Variants in DCC observed in about 807,000 individuals in gnomAD.
DCC encodes DCC netrin 1 receptor, also known as netrin receptor DCC.
In DCC, 58 loss-of-function variants were observed where a neutral mutation model predicts 172.5. The ratio of observed to expected loss-of-function variants is 0.34; its 90% CI spans 0.27 to 0.42. The LOEUF (loss-of-function observed/expected upper bound fraction) is 0.42, where lower values mean the gene tolerates loss of function less well. Ranked by LOEUF, DCC falls within the 10% of genes least tolerant of loss-of-function variation. DCC has a pLI of 1.00. For synonymous variants in DCC, 709 were observed against 644.5 expected (o/e 1.10, Z -1.52); for missense variants, 1,740 against 1,791.0 (o/e 0.97, Z 0.51).
chr18:53,079,831 A>G (rs2042772975), intron 7 of DCC, among the ~76,000 whole-genome samples: 1 of 152,138 alleles, frequency 6.6e-6, no homozygotes, highest in Non-Finnish European at 1.5e-5. Flanking sequence ...AACACATGGG[A>G]GCATAGAGCA....
chr18:53,256,002 A>G (rs1269610814), intron 12 of DCC, among the ~76,000 whole-genome samples: 1 of 152,162 alleles, frequency 6.6e-6, no homozygotes, highest in Non-Finnish European at 1.5e-5. Flanking sequence ...TTGGCTGAAT[A>G]AATGTCTTCT....
intron 15 of DCC, among the ~76,000 whole-genome samples, chr18:53,355,804 G>C (rs1433333203): frequency 2.0e-5 from 3 of 151,918 alleles, no homozygotes; most frequent in African/African-American, 7.2e-5. Context: ...TTGTACCACT[G>C]CCTCTGCACA....
intron 2 of DCC, among the ~76,000 whole-genome samples, chr18:52,795,991 G>T (rs1440622564): frequency 6.7e-6 from 1 of 149,084 alleles, no homozygotes; most frequent in Non-Finnish European, 1.5e-5. Flanking sequence ...CTGCTAATAT[G>T]ATTTATTTTT....
chr18:52,469,933 A>C (rs140496802), intron 1 of DCC, among the ~76,000 whole-genome samples: 153 of 152,342 alleles, frequency 1.0e-3, no homozygotes, highest in Middle Eastern at 3.4e-3. Context: ...AGTGGCATAC[A>C]TCACATTTGA....
intron 12 of DCC, among the ~76,000 whole-genome samples, chr18:53,237,945 T>A (rs2056230016): frequency 1.3e-5 from 2 of 152,164 alleles, no homozygotes; most frequent in African/African-American, 4.8e-5. Flanking sequence ...TCAGATTTAA[T>A]CTTCAAATCT....
chr18:53,233,422 G>A (rs1267888631), intron 12 of DCC, among the ~76,000 whole-genome samples: 1 of 152,218 alleles, frequency 6.6e-6, no homozygotes. Flanking sequence ...ATCATATCAA[G>A]AAACAGTTTT....
chr18:53,206,477 ATAAT>A (rs986869714), intron 10 of DCC, among the ~76,000 whole-genome samples: 1 of 102,990 alleles, frequency 9.7e-6, no homozygotes, highest in African/African-American at 3.5e-5. Flanking sequence ...TATAGTATAT[ATAAT>A]ATATAATGTA....
chr18:53,206,535 C>T (rs1256277743), intron 10 of DCC, among the ~76,000 whole-genome samples: 2 of 141,946 alleles, frequency 1.4e-5, no homozygotes. Flanking sequence ...ATATATAATA[C>T]ATATCTATGT....
rs369194456 is a variant in DCC, at chr18:53,357,935, G to C, written c.2359+18028G>C. Among the ~76,000 whole-genome samples, 22 of 152,240 alleles carry C rather than the reference G, an allele frequency of 1.4e-4. No individual in the cohort carries two copies. In the East Asian group the frequency reaches 2.5e-3, roughly 17 times the overall value. ...TTTATAATTTCACGATTCACACAGA[G>C]AATCCCTGCTTATTCTTAAGCTAAT... On this transcript the variant is annotated intron_variant, in intron 15 of 28. Transcript: ENST00000442544.
chr18:52,676,047 A>T (rs1247955220), intron 1 of DCC, among the ~76,000 whole-genome samples: 1 of 152,220 alleles, frequency 6.6e-6, no homozygotes, highest in African/African-American at 2.4e-5. Flanking sequence ...GTCCTGTGAT[A>T]TATTCTATTC....
intron 1 of DCC, among the ~76,000 whole-genome samples, chr18:52,710,834 C>CT (rs1399296874): frequency 6.6e-6 from 1 of 152,178 alleles, no homozygotes; most frequent in Non-Finnish European, 1.5e-5. Context: ...ACAGGGGCTG[C>CT]TTTAAGTGAT....
At chr18:52,921,136 A>T (rs2040118171) in intron 3 of DCC, among the ~76,000 whole-genome samples, 1 of 39,026 alleles carries the variant, frequency 2.6e-5, no homozygotes, top group Non-Finnish European at 7.5e-5. Context: ...CCATAGGATT[A>T]TGAAAAGTAA....
At chr18:53,184,664 T>C (rs780161802) in intron 9 of DCC, among the ~76,000 whole-genome samples, 1 of 152,162 alleles carries the variant, frequency 6.6e-6, no homozygotes, top group Non-Finnish European at 1.5e-5. Context: ...ATTAGAATGA[T>C]ATGATAGCAA....
chr18:52,498,441 T>C (rs916680544), intron 1 of DCC, among the ~76,000 whole-genome samples: 1 of 152,074 alleles, frequency 6.6e-6, no homozygotes, highest in Non-Finnish European at 1.5e-5. Flanking sequence ...CTGGCCAACA[T>C]GGTGAATACC....
At chr18:52,422,986 G>A (rs937274420) in intron 1 of DCC, among the ~76,000 whole-genome samples, 2 of 152,128 alleles carry the variant, frequency 1.3e-5, no homozygotes, top group African/African-American at 4.8e-5. Context: ...AATTGGATTA[G>A]CCACTTAGTG....
chr18:53,265,116 C>T (rs141873333), intron 12 of DCC, among the ~76,000 whole-genome samples: 3 of 152,238 alleles, frequency 2.0e-5, no homozygotes, highest in South Asian at 4.2e-4. Context: ...CAGAAGCAAC[C>T]GGATGACATT....
chr18:53,177,185 G>A (rs1427107399), intron 8 of DCC, among the ~76,000 whole-genome samples: 1 of 151,458 alleles, frequency 6.6e-6, no homozygotes, highest in African/African-American at 2.4e-5. Flanking sequence ...GTTGTGGGGT[G>A]GGGGGAGCGG....
Position 53,119,154 on chromosome 18 carries a change from A to G in DCC, c.1262-38202A>G, listed in dbSNP as rs112378433. ...AAAGCTTTGTACAAAGTCAGAGACC[A>G]ATGCATGTCCACCCAGTATTACTAC... On this transcript the variant is annotated intron_variant, in intron 7 of 28. Coordinates refer to ENST00000442544, the MANE Select transcript of DCC (RefSeq NM_005215.4). 7.9e-3 allele frequency among the ~76,000 whole-genome samples: 1,198 copies of G among 151,914 alleles called. 17 individuals carry two copies. The highest frequency in any genetic ancestry group is 0.027 in the African/African-American group (1,116 of 41,504).
intron 19 of DCC, among the ~76,000 whole-genome samples, chr18:53,407,528 G>GATATAAATATATATAT (rs1555666922): frequency 1.0e-4 from 12 of 117,446 alleles, no homozygotes; most frequent in Admixed American, 8.1e-4. Context: ...TTTTATTCTG[G>GATATAAATATATATAT]ATATATATAT....
Sources: allele counts gnomAD v4.1 joint callset (sites outside exome capture counted in the v4.1 genomes callset), GRCh38; gene constraint gnomAD v4.1.1; transcripts MANE v1.5; gene names NCBI Gene and HGNC (gene_info 2026-07-23, HGNC 2026-07-21).